RBM28: variants seen among roughly 807,000 people sequenced by gnomAD.
The protein encoded by RBM28 is RNA-binding protein 28.
A neutral mutation model predicts 98.3 loss-of-function variants in RBM28; 78 were observed. That is an observed-to-expected ratio of 0.79 (90% CI 0.66 to 0.96). RBM28 has a LOEUF of 0.96. Among genes scored for constraint, RBM28 ranks in the 40% least tolerant of loss-of-function variants. The probability of loss-of-function intolerance (pLI) is 0.00; values close to 1 mark genes in which losing one functional copy is unlikely to be tolerated. For synonymous variants in RBM28, 306 were observed against 330.9 expected, an observed-to-expected ratio of 0.92 and a Z score of 0.82; for missense variants, 838 against 913.0, an observed-to-expected ratio of 0.92 and a Z score of 1.06.
intron 6 of RBM28, among the ~76,000 whole-genome samples, chr7:128,336,762 CTTT>C (rs774583330): frequency 9.9e-5 from 15 of 151,736 alleles, no homozygotes; most frequent in Non-Finnish European, 1.9e-4. Context: ...TTCTCTTACA[CTTT>C]TTTTTTGAGA....
Position 128,314,898 on chromosome 7 carries a change from C to T in RBM28, c.1911G>A (p.Glu637=). Reference sequence around the variant, plus strand: ...AGGTAGAGCCCGCCTTTCTCTTCTGCTCTGGGGGCACCTTGCTTTGTTCCT... The same window carrying T: ...AGGTAGAGCCCGCCTTTCTCTTCTGTTCTGGGGGCACCTTGCTTTGTTCCT... The part of the protein sequence containing the change: ...HTEEQSKVPP[E]QKRKAGSTSW... The change falls in exon 17 of 19, where the codon GAG becomes GAA. Residue 637 remains glutamate (E), a synonymous_variant. Transcript: ENST00000223073. 10 of 1,614,228 alleles carry T rather than the reference C, an allele frequency of 6.2e-6. No individual in the cohort carries two copies. Among genetic ancestry groups the T allele is most frequent in the Non-Finnish European group, 8.5e-6 (10 of 1,180,052 alleles).
chr7:128,313,239 G>A lies in RBM28; in HGVS notation c.2081C>T (p.Pro694Leu), dbSNP rs764205597. The A allele has an allele frequency of 7.4e-6, 12 of 1,613,974 alleles. No homozygotes were observed. Among genetic ancestry groups the A allele is most frequent in the Non-Finnish European group, 1.0e-5 (12 of 1,180,028 alleles). Residue 694 changes from proline to leucine, a missense_variant, in exon 18 of 19, where the codon CCC becomes CTC. Physicochemically the swap from Pro to Leu is moderately conservative, Grantham distance 98. Coordinates refer to ENST00000223073, the MANE Select transcript of RBM28 (RefSeq NM_018077.3). ...GTTTATCTGTGGCTTTGGCTTTTTGGGATGGACGGGCTTCACTTTGCCTTT... is the reference window on the plus strand; with the variant it reads ...GTTTATCTGTGGCTTTGGCTTTTTGAGATGGACGGGCTTCACTTTGCCTTT... ...RDKGKVKPVH[P>L]KKPKPQINQW...
In RBM28 at chr7:128,343,662, C is replaced by G; in HGVS notation, c.118+14G>C. On this transcript the variant is annotated intron_variant, in intron 1 of 18. Transcript: ENST00000223073. ...AGGAAACCCCAGCCCTATCCTCGAC[C>G]GCCCCGCCCCTACCTTTTTCAGTCA... is the stretch of plus-strand genomic sequence containing the variant. 1 of 1,594,312 alleles carries G rather than the reference C, an allele frequency of 6.3e-7. No individual in the cohort carries two copies.
At chr7:128,328,076 A>C (rs2116360270) in intron 10 of RBM28, among the ~76,000 whole-genome samples, 1 of 152,198 alleles carries the variant, frequency 6.6e-6, no homozygotes, top group Middle Eastern at 3.4e-3. Flanking sequence ...TCTTCCACTC[A>C]CATCTTTATT....
intron 13 of RBM28, 38 bp downstream of exon 13, chr7:128,323,489 C>T (rs1796280462): frequency 6.2e-7 from 1 of 1,609,806 alleles, no homozygotes; most frequent in East Asian, 2.2e-5. Context: ...GATTTATAGG[C>T]CACGCAGAAC....
At position 128,339,664 on chromosome 7, in the gene RBM28, C is replaced by T. The variant is rs143878329; in HGVS notation, c.246G>A (p.Leu82=). The part of the protein sequence containing the change: ...KINVTVAKKK[L]RNKTKEKGKN... ...TCCCCTTTTCCTTTGTCTTGTTCCT[C>T]AGTTTTTTCTTGGCAACAGTCACGT... Residue 82 remains leucine (L), a synonymous_variant, in exon 2 of 19, where the codon CTG becomes CTA. Transcript: ENST00000223073. The T allele has an allele frequency of 1.9e-6, 3 of 1,613,986 alleles. No individual in the cohort carries two copies. The African/African-American group carries it at 4.0e-5, about 22-fold the overall frequency.
chr7:128,327,848 A>G (rs928548923), intron 10 of RBM28, among the ~76,000 whole-genome samples: 6 of 152,248 alleles, frequency 3.9e-5, no homozygotes, highest in African/African-American at 2.4e-5. Flanking sequence ...ACCTTTCAGT[A>G]GATTCCAAAA....
chr7:128,333,367 G>C lies in RBM28; in HGVS notation c.947-5C>G, dbSNP rs762538105. The C allele has an allele frequency of 1.3e-6, 2 of 1,587,724 alleles. No homozygotes were observed. Among genetic ancestry groups the C allele is most frequent in the African/African-American group, 1.3e-5 (1 of 74,086 alleles). ...TTTTGTTTGAGACTTGCACAGCTAA[G>C]GTAAAAAGAAAAACAACAAACTGAA... On this transcript the variant is annotated splice_region_variant and splice_polypyrimidine_tract_variant and intron_variant, in intron 8 of 18. Transcript: ENST00000223073.
In RBM28 at chr7:128,317,848, C is replaced by T. The variant is rs1330148575; in HGVS notation, c.1713+109G>A. 7 of 1,546,678 alleles carry T rather than the reference C, an allele frequency of 4.5e-6. No homozygotes were observed. The Admixed American group carries it at 6.8e-5, about 15-fold the overall frequency. On this transcript the variant is annotated intron_variant, in intron 15 of 18. Coordinates refer to ENST00000223073, the MANE Select transcript of RBM28 (RefSeq NM_018077.3). ...AACCCACCTTTTTTTTGTCCACTTG[C>T]CACTGTTTCCCACCCCTCAAATGTC...
intron 13 of RBM28, among the ~76,000 whole-genome samples, chr7:128,322,375 G>GT (rs1213138619): frequency 6.6e-6 from 1 of 151,614 alleles, no homozygotes; most frequent in African/African-American, 2.4e-5. Context: ...CTCCCAATTA[G>GT]TTTTTTTTAA....
At chr7:128,315,069 G>C in intron 16 of RBM28, 49 bp from the exon 17 acceptor site, 5 of 1,611,466 alleles carry the variant, frequency 3.1e-6, no homozygotes, top group Non-Finnish European at 4.2e-6. Flanking sequence ...AGCTTTGTTT[G>C]CTGCAAATAC....
Position 128,343,799 on chromosome 7 carries a change from C to A in RBM28, c.-6G>T. On this transcript the variant is annotated 5_prime_UTR_variant, in exon 1 of 19. Coordinates refer to ENST00000223073, the MANE Select transcript of RBM28 (RefSeq NM_018077.3). ...AATAAGGTCAGGCCGGCCATGAGAC[C>A]GGGAAACCCAAAGCGCGTGAGGACG... The A allele has an allele frequency of 6.3e-7, 1 of 1,585,088 alleles. No individual in the cohort carries two copies. The highest frequency in any genetic ancestry group is 2.3e-5 in the East Asian group (1 of 42,910).
At chr7:128,327,209 G>A (rs995097893) in intron 10 of RBM28, among the ~76,000 whole-genome samples, 4 of 152,114 alleles carry the variant, frequency 2.6e-5, no homozygotes, top group African/African-American at 9.7e-5. Flanking sequence ...ACTTAATTCA[G>A]CATCACTTAT....
At position 128,335,641 on chromosome 7, in the gene RBM28, T is replaced by C. The variant is rs1796580605; in HGVS notation, c.848A>G (p.His283Arg). Residue 283 changes from histidine (H) to arginine (R), a missense_variant, in exon 8 of 19, where the codon CAT becomes CGT. Transcript: ENST00000223073. Reference protein sequence around the residue: ...KRPAPAKSSDHSEEDSDLEES... With the variant: ...KRPAPAKSSDRSEEDSDLEES... Reference sequence around the variant, plus strand: ...CTCTAGGTCACTGTCCTCCTCAGAATGATCACTGCTTTTTGCAGGGGCTGG... The same window carrying C: ...CTCTAGGTCACTGTCCTCCTCAGAACGATCACTGCTTTTTGCAGGGGCTGG... 6.2e-7 allele frequency: 1 copy of C among 1,614,134 alleles called. No homozygotes were observed. The highest frequency in any genetic ancestry group is 1.3e-5 in the African/African-American group (1 of 74,952).
At chr7:128,321,611 G>A (rs1796236544) in intron 13 of RBM28, among the ~76,000 whole-genome samples, 187 bp from the exon 14 acceptor site, 1 of 152,144 alleles carries the variant, frequency 6.6e-6, no homozygotes, top group Non-Finnish European at 1.5e-5. Context: ...GGAACAAGAT[G>A]GTGGGTGGGT....
chr7:128,309,052 A>G lies in RBM28; in HGVS notation c.*1745T>C, dbSNP rs1394588991. 1 of 152,016 alleles carries G rather than the reference A, an allele frequency of 6.6e-6. No homozygotes were observed. Among genetic ancestry groups the G allele is most frequent in the African/African-American group, 2.4e-5 (1 of 41,396 alleles). 9.4% of individuals were successfully genotyped at this position (152,016 alleles called of 1,614,324 possible). A position where few individuals can be genotyped will look rare whatever the true frequency, so the allele number is the denominator to read the frequency against. On this transcript the variant is annotated 3_prime_UTR_variant, in exon 19 of 19. Coordinates refer to ENST00000223073, the MANE Select transcript of RBM28 (RefSeq NM_018077.3). ...GTCAAAGCATTATTTGTAACACTCA[A>G]CTAGACTAAGCAATCAAGAATTTTG...
intron 1 of RBM28, among the ~76,000 whole-genome samples, chr7:128,343,385 T>A (rs905434727): frequency 3.9e-5 from 6 of 152,244 alleles, no homozygotes; most frequent in African/African-American, 1.4e-4. Context: ...CTGATCACTG[T>A]ACCTGCCAAT....
At position 128,310,586 on chromosome 7, in the gene RBM28, A is replaced by C. The variant is rs563744771; in HGVS notation, c.*211T>G. The C allele has an allele frequency of 9.9e-6, 6 of 606,022 alleles. No individual in the cohort carries two copies. The South Asian group carries it at 1.0e-4, about 10-fold the overall frequency. The allele number at this position is 606,022 out of a possible 1,614,324, so 37.5% of individuals were successfully genotyped here. On this transcript the variant is annotated 3_prime_UTR_variant, in exon 19 of 19. Coordinates refer to ENST00000223073, the MANE Select transcript of RBM28 (RefSeq NM_018077.3). ...ATAATATGCAAGAAGCATCATGTTGACTTTCAGATATTTCTCTTTGTGGCT... is the reference window on the plus strand; with the variant it reads ...ATAATATGCAAGAAGCATCATGTTGCCTTTCAGATATTTCTCTTTGTGGCT...
chr7:128,325,033 A>T (rs980677225), intron 11 of RBM28, among the ~76,000 whole-genome samples: 1 of 152,140 alleles, frequency 6.6e-6, no homozygotes, highest in African/African-American at 2.4e-5. Context: ...TAAAATAAAA[A>T]AATAACAAAA....
Sources: gnomAD v4.1 joint callset for allele counts (sites outside exome capture counted in the v4.1 genomes callset) on GRCh38, gnomAD v4.1.1 for gene constraint, MANE v1.5 for transcripts, NCBI Gene and HGNC (gene_info 2026-07-23, HGNC 2026-07-21) for gene names.